Variants in PIK3C2G observed in about 807,000 individuals in gnomAD.
The protein encoded by PIK3C2G is phosphatidylinositol 3-kinase C2 domain-containing subunit gamma.
Under a neutral mutation model 181.1 loss-of-function variants are expected in PIK3C2G, and 168 were observed. The ratio of observed to expected loss-of-function variants is 0.93; its 90% CI spans 0.82 to 1.05. The LOEUF (loss-of-function observed/expected upper bound fraction) is 1.05, where lower values mean the gene tolerates loss of function less well. Ranked by LOEUF, PIK3C2G falls within the 50% of genes least tolerant of loss-of-function variation. The pLI, the probability that PIK3C2G is intolerant of heterozygous loss-of-function variation, is 0.00. For synonymous variants in PIK3C2G, 573 were observed against 592.2 expected (o/e 0.97, Z 0.47); for missense variants, 1,869 against 1,732.8 (o/e 1.08, Z -1.40).
chr12:18,300,678 T>A (rs1950139012), intron 5 of PIK3C2G, among the ~76,000 whole-genome samples: 2 of 152,096 alleles, frequency 1.3e-5, no homozygotes, highest in African/African-American at 4.8e-5. Context: ...TAGTTATGTA[T>A]ATCTTTTGTT....
chr12:18,579,267 TG>T (rs1946376094), intron 29 of PIK3C2G, among the ~76,000 whole-genome samples: 1 of 151,892 alleles, frequency 6.6e-6, no homozygotes. Context: ...TGACAGTGAG[TG>T]GAAAAATGGA....
chr12:18,361,696 T>A (rs1941250547), intron 11 of PIK3C2G, among the ~76,000 whole-genome samples: 1 of 152,200 alleles, frequency 6.6e-6, no homozygotes, highest in Non-Finnish European at 1.5e-5. Flanking sequence ...CTTTTTCTGG[T>A]GTCTGTCTGT....
the PIK3C2G span, among the ~76,000 whole-genome samples, chr12:18,720,848 T>G: frequency 6.6e-6 from 1 of 151,944 alleles, no homozygotes; most frequent in South Asian, 2.1e-4. Context: ...TATGATACAA[T>G]ACTAAGCAGC....
At chr12:18,535,972 AG>A (rs5796759) in intron 24 of PIK3C2G, among the ~76,000 whole-genome samples, 101,925 of 151,774 alleles carry the variant, frequency 0.67, 35,425 homozygotes, top group East Asian at 0.96. Context: ...GTGGGGGAAG[AG>A]GGGTAGGGAT....
intron 31 of PIK3C2G, among the ~76,000 whole-genome samples, chr12:18,631,321 T>C (rs1269417181): frequency 6.6e-6 from 1 of 152,140 alleles, no homozygotes; most frequent in Non-Finnish European, 1.5e-5. Flanking sequence ...CACTCCCGAC[T>C]TCAACTAAAA....
intron 7 of PIK3C2G, among the ~76,000 whole-genome samples, chr12:18,324,002 T>C (rs12581696): frequency 0.15 from 22,416 of 151,910 alleles, 2,332 homozygotes; most frequent in Admixed American, 0.26. Context: ...GGGCGGATCA[T>C]GAGGTCAGGA....
At chr12:18,362,988 G>A (rs1344463762) in intron 12 of PIK3C2G, 102 bp downstream of exon 12, 10 of 863,242 alleles carry the variant, frequency 1.2e-5, no homozygotes, top group Non-Finnish European at 1.4e-5. Flanking sequence ...AAAATATGCT[G>A]CCAGTTGATT....
intron 15 of PIK3C2G, among the ~76,000 whole-genome samples, chr12:18,391,613 A>G (rs1943537428): frequency 6.6e-6 from 1 of 152,192 alleles, no homozygotes. Context: ...GAAAAGCAAC[A>G]TTTAATTAAG....
chr12:18,543,157 T>C (rs1046534960), intron 25 of PIK3C2G, among the ~76,000 whole-genome samples: 1 of 152,046 alleles, frequency 6.6e-6, no homozygotes, highest in African/African-American at 2.4e-5. Context: ...TTGAGCTTTT[T>C]TTCATATGCT....
chr12:18,546,654 C>T (rs1412475628), intron 26 of PIK3C2G, among the ~76,000 whole-genome samples: 1 of 151,996 alleles, frequency 6.6e-6, no homozygotes, highest in South Asian at 2.1e-4. Flanking sequence ...GCTAACCAGC[C>T]TCTTCATCTA....
intron 29 of PIK3C2G, among the ~76,000 whole-genome samples, chr12:18,570,379 T>C (rs940969807): frequency 1.4e-5 from 2 of 143,052 alleles, no homozygotes; most frequent in East Asian, 2.0e-4. Context: ...CAGCCTATTT[T>C]TGTATTTTTA....
the PIK3C2G span, among the ~76,000 whole-genome samples, chr12:18,689,603 T>G: frequency 1.3e-5 from 2 of 152,152 alleles, no homozygotes; most frequent in African/African-American, 2.4e-5. Context: ...ATTAACAAAT[T>G]TGTTTGTACA....
intron 25 of PIK3C2G, among the ~76,000 whole-genome samples, chr12:18,538,548 G>C (rs894297631): frequency 6.6e-6 from 1 of 151,806 alleles, no homozygotes; most frequent in Admixed American, 6.6e-5. Flanking sequence ...ATGCAGGTAG[G>C]GGTTATCCCA....
At chr12:18,541,208 C>T (rs1944132939) in intron 25 of PIK3C2G, among the ~76,000 whole-genome samples, 1 of 151,888 alleles carries the variant, frequency 6.6e-6, no homozygotes, top group South Asian at 2.1e-4. Flanking sequence ...GATTATGGGC[C>T]ACAGACATTT....
intron 10 of PIK3C2G, among the ~76,000 whole-genome samples, chr12:18,343,899 A>G (rs1398781111): frequency 6.6e-6 from 1 of 151,748 alleles, no homozygotes. Context: ...GCCTCTATAG[A>G]AAACAGTAGG....
At chr12:18,620,996 C>A (rs368335901) in intron 31 of PIK3C2G, among the ~76,000 whole-genome samples, 2 of 151,908 alleles carry the variant, frequency 1.3e-5, no homozygotes, top group South Asian at 4.2e-4. Context: ...TTAGTAAGTT[C>A]TTCTTTTTCA....
chr12:18,657,500 T>C, the PIK3C2G span, among the ~76,000 whole-genome samples: 2 of 152,174 alleles, frequency 1.3e-5, no homozygotes, highest in African/African-American at 4.8e-5. Context: ...AGAGCCCATA[T>C]GCAAAGGCTG....
rs548163176 is a variant in PIK3C2G, at chr12:18,488,469, A to C, written c.2525A>C (p.Asn842Thr). 1.3e-6 allele frequency: 2 copies of C among 1,531,104 alleles called. No individual in the cohort carries two copies. The highest frequency in any genetic ancestry group is 2.5e-5 in the South Asian group (2 of 78,634). 94.8% of individuals were successfully genotyped at this position (1,531,104 alleles called of 1,614,324 possible). Residue 842 changes from asparagine (N) to threonine (T), a missense_variant, in exon 19 of 33, where the codon AAT becomes ACT. Asn to Thr is a moderately conservative substitution (Grantham distance 65, BLOSUM62 0). Coordinates refer to ENST00000538779, the MANE Select transcript of PIK3C2G (RefSeq NM_001288772.2). Reference protein sequence around the residue: ...RLYWLLKNAENEAYFKSWYQK... With the variant: ...RLYWLLKNAETEAYFKSWYQK... The stretch of plus-strand genomic sequence containing the variant: ...TTCAGGCTGCTAAAAAATGCAGAAA[A>C]TGAAGCTTATTTTAAAAGCTGGTAT...
At chr12:18,595,630 T>C (rs1947320519) in intron 30 of PIK3C2G, among the ~76,000 whole-genome samples, 1 of 152,154 alleles carries the variant, frequency 6.6e-6, no homozygotes, top group South Asian at 2.1e-4. Context: ...ATCTCTCTTC[T>C]CTAGTTAAAC....
Sources: gnomAD v4.1 joint callset for allele counts (sites outside exome capture counted in the v4.1 genomes callset) on GRCh38, gnomAD v4.1.1 for gene constraint, MANE v1.5 for transcripts, NCBI Gene and HGNC (gene_info 2026-07-23, HGNC 2026-07-21) for gene names.